Variants in SPAG5 observed in about 807,000 individuals in gnomAD.
SPAG5 encodes sperm associated antigen 5, also known as sperm-associated antigen 5.
Under a neutral mutation model 145.4 loss-of-function variants are expected in SPAG5, and 99 were observed. That is an observed-to-expected ratio of 0.68 (90% CI 0.58 to 0.80). The LOEUF (loss-of-function observed/expected upper bound fraction) is 0.80, where lower values mean the gene tolerates loss of function less well. SPAG5 is among the 30% of genes least tolerant of loss of function. SPAG5 has a pLI of 0.00. For synonymous variants in SPAG5, 477 were observed against 525.4 expected, an observed-to-expected ratio of 0.91 and a Z score of 1.26; for missense variants, 1,192 against 1,416.0, an observed-to-expected ratio of 0.84 and a Z score of 2.54.
Position 28,592,730 on chromosome 17 carries a change from C to T in SPAG5, c.514G>A (p.Glu172Lys), listed in dbSNP as rs1429916570. 2 of 1,614,222 alleles carry T rather than the reference C, an allele frequency of 1.2e-6. No individual in the cohort carries two copies. The highest frequency in any genetic ancestry group is 1.7e-5 in the Admixed American group (1 of 60,022). ...GPLRTDDLVR[E>K]EVAPCMGDRF... is the part of the protein sequence containing the mutation. The stretch of plus-strand genomic sequence containing the variant: ...TCTCCCATGCAGGGTGCCACCTCCT[C>T]TCTCACCAGATCGTCTGTTCTCAAA... The change falls in exon 3 of 24, where the codon GAG (glutamate) becomes AAG (lysine). Residue 172 changes from glutamate (E) to lysine (K), a missense_variant. Glu to Lys is a moderately conservative substitution (Grantham distance 56). This residue lies in a region of SPAG5 where 329 missense variants were observed against 354.0 expected (regional missense o/e 0.93). Transcript: ENST00000321765.
At chr17:28,596,325 G>A (rs925134546) in intron 2 of SPAG5, among the ~76,000 whole-genome samples, 2 of 152,152 alleles carry the variant, frequency 1.3e-5, no homozygotes, top group African/African-American at 2.4e-5. Context: ...AGGAGAATTC[G>A]ATTTCAATCT....
intron 7 of SPAG5, 40 bp downstream of exon 7, chr17:28,585,824 G>A (rs2070581336): frequency 6.2e-7 from 1 of 1,613,760 alleles, no homozygotes; most frequent in African/African-American, 1.3e-5. Flanking sequence ...CCTTGAGGTG[G>A]AAACCTCCCA....
At position 28,599,023 on chromosome 17, in the gene SPAG5, C is replaced by T. The variant is rs1003082992; in HGVS notation, c.-77G>A. The T allele has an allele frequency of 4.8e-6, 7 of 1,467,028 alleles. No homozygotes were observed. In the African/African-American group the frequency reaches 5.6e-5, roughly 12 times the overall value. 90.9% of individuals were successfully genotyped at this position (1,467,028 alleles called of 1,614,324 possible). On this transcript the variant is annotated 5_prime_UTR_variant, in exon 1 of 24. Coordinates refer to ENST00000321765, the MANE Select transcript of SPAG5 (RefSeq NM_006461.4). ...TGTTCACCCGCCGTCTGTGTTTGAA[C>T]CTGCTCTGCGCTTCCTGGTTGGCTG...
At chr17:28,587,531 G>A (rs1039870633) in intron 4 of SPAG5, among the ~76,000 whole-genome samples, 1 of 151,192 alleles carries the variant, frequency 6.6e-6, no homozygotes, top group African/African-American at 2.4e-5. Flanking sequence ...GGCAACAAGA[G>A]TAAAACTCCG....
rs375467524 is a variant in SPAG5, at chr17:28,592,742, C to T, written c.502G>A (p.Asp168Asn). The T allele has an allele frequency of 1.2e-5, 20 of 1,614,074 alleles. No individual in the cohort carries two copies. The highest frequency in any genetic ancestry group is 1.1e-4 in the African/African-American group (8 of 74,930). Reference protein sequence around the residue: ...ISLNGPLRTDDLVREEVAPCM... With the variant: ...ISLNGPLRTDNLVREEVAPCM... ...GGTGCCACCTCCTCTCTCACCAGAT[C>T]GTCTGTTCTCAAAGGTCCATTTAAA... The change falls in exon 3 of 24, where the codon GAT (aspartate) becomes AAT (asparagine). Residue 168 changes from aspartate (D) to asparagine (N), a missense_variant. This residue lies in a region of SPAG5 where 329 missense variants were observed against 354.0 expected (regional missense o/e 0.93). Transcript: ENST00000321765.
intron 7 of SPAG5, 48 bp downstream of exon 7, chr17:28,585,816 T>C (rs750328951): frequency 6.8e-6 from 11 of 1,613,570 alleles, no homozygotes; most frequent in Admixed American, 1.7e-5. Context: ...TGCAGGAACC[T>C]TGAGGTGGAA....
intron 2 of SPAG5, among the ~76,000 whole-genome samples, chr17:28,595,333 TAA>T (rs969284431): frequency 1.3e-5 from 2 of 149,992 alleles, no homozygotes; most frequent in African/African-American, 4.9e-5. Flanking sequence ...TAGACACACA[TAA>T]AGAGATGTAT....
At chr17:28,597,224 C>T (rs2070671916) in intron 2 of SPAG5, among the ~76,000 whole-genome samples, 1 of 152,184 alleles carries the variant, frequency 6.6e-6, no homozygotes, top group Non-Finnish European at 1.5e-5. Flanking sequence ...TGAGACCAGC[C>T]TGGCCAACAT....
chr17:28,599,004 C>T lies in SPAG5; in HGVS notation c.-58G>A, dbSNP rs1020562415. Reference sequence around the variant, plus strand: ...GACCAAGTCGAGGACGCCATGTTCACCCGCCGTCTGTGTTTGAACCTGCTC... The same window carrying T: ...GACCAAGTCGAGGACGCCATGTTCATCCGCCGTCTGTGTTTGAACCTGCTC... On this transcript the variant is annotated 5_prime_UTR_variant, in exon 1 of 24. In the 5' UTR this introduces an upstream ATG that the reference lacks. Transcript: ENST00000321765. The T allele has an allele frequency of 1.3e-6, 2 of 1,555,606 alleles. No homozygotes were observed. Among genetic ancestry groups the T allele is most frequent in the African/African-American group, 2.7e-5 (2 of 73,764 alleles).
chr17:28,581,444 G>T (rs528040809), intron 15 of SPAG5, among the ~76,000 whole-genome samples: 1 of 150,754 alleles, frequency 6.6e-6, no homozygotes, highest in Admixed American at 6.6e-5. Flanking sequence ...GTGCCCTTTC[G>T]ACCCTTTCCT....
chr17:28,587,664 G>A (rs992383667), intron 4 of SPAG5, among the ~76,000 whole-genome samples: 2 of 145,708 alleles, frequency 1.4e-5, no homozygotes, highest in East Asian at 4.0e-4. Context: ...GCTGCAGTGA[G>A]CCATGTTCGT....
At position 28,579,178 on chromosome 17, in the gene SPAG5, A is replaced by G; in HGVS notation, c.3080T>C (p.Ile1027Thr). ...GCACAAGGCCTGGTTCAGCTTCTCT[A>G]TGTCTGCTTCTTTTGCCTTCTGGAC... ...QEVQKAKEAD[I>T]EKLNQALCLR... The change falls in exon 19 of 24, where the codon ATA becomes ACA. Residue 1027 changes from isoleucine (I) to threonine (T), a missense_variant. This residue lies in a region of SPAG5 where 709 missense variants were observed against 840.7 expected (regional missense o/e 0.84). Transcript: ENST00000321765. 1 of 1,613,986 alleles carries G rather than the reference A, an allele frequency of 6.2e-7. No homozygotes were observed. Among genetic ancestry groups the G allele is most frequent in the South Asian group, 1.1e-5 (1 of 91,082 alleles).
At chr17:28,598,850 G>A (rs568444191) in intron 1 of SPAG5, 46 bp downstream of exon 1, 2 of 1,607,264 alleles carry the variant, frequency 1.2e-6, no homozygotes, top group African/African-American at 2.7e-5. Context: ...GTGCCCCCGC[G>A]ACAGCAGCCC....
intron 2 of SPAG5, among the ~76,000 whole-genome samples, chr17:28,596,689 T>C (rs1320957335): frequency 6.6e-6 from 1 of 151,986 alleles, no homozygotes; most frequent in African/African-American, 2.4e-5. Flanking sequence ...AATTAATTAA[T>C]AATCATAATA....
rs1029911348 is a variant in SPAG5, at chr17:28,579,071, T to G, written c.3117+70A>C. 8.4e-6 allele frequency: 11 copies of G among 1,303,908 alleles called. No homozygotes were observed. The African/African-American group carries it at 1.0e-4, about 12-fold the overall frequency. The allele number at this position is 1,303,908 out of a possible 1,614,324, so 80.8% of individuals were successfully genotyped here. A position where few individuals can be genotyped will look rare whatever the true frequency, so the allele number is the denominator to read the frequency against. On this transcript the variant is annotated intron_variant, in intron 19 of 23. Transcript: ENST00000321765. ...CCCACCACCCAGATTCCTGGAGAGA[T>G]AATGGCTCCCAGTGGGCCAGTAGAG... is the stretch of plus-strand genomic sequence containing the variant.
Position 28,577,587 on chromosome 17 carries a change from CTTTAT to C in SPAG5, c.*107_*111del. On this transcript the variant is annotated 3_prime_UTR_variant, in exon 24 of 24. Coordinates refer to ENST00000321765, the MANE Select transcript of SPAG5 (RefSeq NM_006461.4). ...AGCTTGGAGAAATTCATTAAATACA[CTTTAT>C]TTAAATAGCATTTATCTCAGTTGGC... The C allele has an allele frequency of 1.3e-6, 1 of 760,998 alleles. No homozygotes were observed. Among genetic ancestry groups the C allele is most frequent in the Non-Finnish European group, 2.3e-6 (1 of 431,878 alleles). 47.1% of individuals were successfully genotyped at this position (760,998 alleles called of 1,614,324 possible). A position where few individuals can be genotyped will look rare whatever the true frequency, so the allele number is the denominator to read the frequency against.
In SPAG5 at chr17:28,578,406, A is replaced by G. The variant is rs760202200; in HGVS notation, c.3321T>C (p.Asn1107=). The G allele has an allele frequency of 6.9e-5, 112 of 1,613,988 alleles. No individual in the cohort carries two copies. Among genetic ancestry groups the G allele is most frequent in the Non-Finnish European group, 9.2e-5 (109 of 1,180,010 alleles). The change falls in exon 21 of 24, where the codon AAT becomes AAC. Residue 1107 remains asparagine (N), a synonymous_variant. Coordinates refer to ENST00000321765, the MANE Select transcript of SPAG5 (RefSeq NM_006461.4). ...LDSNCQPMAT[N]WIQEKVWLSQ... is the part of the protein sequence containing the mutation. ...AGAGCCACACTTTCTCCTGGATCCA[A>G]TTGGTGGCCATAGGCTGGCAGTTGG... is the stretch of plus-strand genomic sequence containing the variant.
intron 16 of SPAG5, 52 bp from the exon 17 acceptor site, chr17:28,579,889 G>A (rs1051064387): frequency 3.2e-6 from 5 of 1,575,406 alleles, no homozygotes; most frequent in Non-Finnish European, 4.4e-6. Context: ...TCCAGGCAGG[G>A]GTCTACCATA....
chr17:28,585,575 G>A lies in SPAG5; in HGVS notation c.1819C>T (p.Arg607Trp), dbSNP rs768723670. The A allele has an allele frequency of 2.8e-5, 45 of 1,613,952 alleles. No individual in the cohort carries two copies. The East Asian group carries it at 4.9e-4, about 18-fold the overall frequency. ...TCCTTCAGAAGGCCTCTGAATTCCC[G>A]CATGGATGCTAGGTCCTGTTCCAGC... ...SQLEQDLASM[R>W]EFRGLLKDAQ... Residue 607 changes from arginine (R) to tryptophan (W), a missense_variant, in exon 8 of 24, where the codon CGG becomes TGG. By Grantham distance (101) the Arg-to-Trp change is moderately radical. Coordinates refer to ENST00000321765, the MANE Select transcript of SPAG5 (RefSeq NM_006461.4).
Sources: gnomAD v4.1 joint callset for allele counts (sites outside exome capture counted in the v4.1 genomes callset) on GRCh38, gnomAD v4.1.1 for gene constraint, gnomAD v4.1.1 regional missense constraint, MANE v1.5 for transcripts, NCBI Gene and HGNC (gene_info 2026-07-23, HGNC 2026-07-21) for gene names.